The following SIK3 variants were observed in gnomAD, a reference collection of about 807,000 sequenced individuals.
SIK3 encodes the protein serine/threonine-protein kinase SIK3.
SIK3 carries 28 observed loss-of-function variants against 144.2 expected under a neutral mutation model. That is an observed-to-expected ratio of 0.19 (90% CI 0.14 to 0.27). SIK3 has a LOEUF of 0.27. Among genes scored for constraint, SIK3 ranks in the 10% least tolerant of loss-of-function variants. The pLI is 1.00. For missense variants in SIK3, 1,319 were observed against 1,776.0 expected, an observed-to-expected ratio of 0.74 and a Z score of 4.62; for synonymous variants, 686 against 676.3, an observed-to-expected ratio of 1.01 and a Z score of -0.22.
At chr11:117,057,337 C>CAAGGCA (rs1364513419) in intron 1 of SIK3, among the ~76,000 whole-genome samples, 2 of 152,180 alleles carry the variant, frequency 1.3e-5, no homozygotes, top group Non-Finnish European at 2.9e-5. Context: ...CTAGAATATA[C>CAAGGCA]AAGGCAAACA....
At position 117,013,915 on chromosome 11, in the gene SIK3, G is replaced by GGGGGGGT. The variant is rs1206309055; in HGVS notation, c.274-56852_274-56851insACCCCCC. Reference sequence around the variant, plus strand: ...CAGATTCTGAGGGGGGGGGGGGGAGGGTGTGTGTGTGTGTGTGTGTGTGTG... The same window carrying GGGGGGGT: ...CAGATTCTGAGGGGGGGGGGGGGAGGGGGGGGTGTGTGTGTGTGTGTGTGTGTGTGTG... On this transcript the variant is annotated intron_variant, in intron 1 of 24. Transcript: ENST00000445177. Among the ~76,000 whole-genome samples, 3 of 23,616 alleles carry GGGGGGGT rather than the reference G, an allele frequency of 1.3e-4. 1 individual carries two copies. Among genetic ancestry groups the GGGGGGGT allele is most frequent in the East Asian group, 1.2e-3 (1 of 868 alleles). 15.5% of individuals were successfully genotyped at this position (23,616 alleles called of 152,430 possible). A position where few individuals can be genotyped will look rare whatever the true frequency, so the allele number is the denominator to read the frequency against.
intron 1 of SIK3, among the ~76,000 whole-genome samples, chr11:117,013,915 G>GGTGTGTGTGTGT (rs71037441): frequency 1.9e-3 from 45 of 23,602 alleles, no homozygotes; most frequent in African/African-American, 3.6e-3. Flanking sequence ...GGGGGGGGAG[G>GGTGTGTGTGTGT]GTGTGTGTGT....
intron 4 of SIK3, among the ~76,000 whole-genome samples, chr11:116,924,465 T>C (rs941925602): frequency 6.6e-6 from 1 of 152,232 alleles, no homozygotes; most frequent in Non-Finnish European, 1.5e-5. Flanking sequence ...TTTTGTTTTC[T>C]ACTGAAACTT....
intron 5 of SIK3, among the ~76,000 whole-genome samples, 158 bp downstream of exon 5, chr11:116,897,035 A>C (rs1238862451): frequency 6.6e-6 from 1 of 152,164 alleles, no homozygotes; most frequent in South Asian, 2.1e-4. Context: ...TCAAAAAAAA[A>C]AAAAAAAAAA....
chr11:116,960,285 G>A lies in SIK3; in HGVS notation c.274-3221C>T, dbSNP rs558352242. On this transcript the variant is annotated intron_variant, in intron 1 of 24. Transcript: ENST00000445177. ...TCACGCCTGTAATTCCAGCACTTTG[G>A]GAGTTAAAGGCAGGCGGATGGCTTG... Among the ~76,000 whole-genome samples, 6 of 152,186 alleles carry A rather than the reference G, an allele frequency of 3.9e-5. No homozygotes were observed. In the East Asian group the frequency reaches 9.6e-4, roughly 24 times the overall value.
intron 1 of SIK3, among the ~76,000 whole-genome samples, chr11:117,008,920 A>G (rs77832134): frequency 0.032 from 4,908 of 152,268 alleles, 107 homozygotes; most frequent in Non-Finnish European, 0.036. Flanking sequence ...GAAAACATAG[A>G]TAACAGTTGG....
intron 1 of SIK3, among the ~76,000 whole-genome samples, chr11:117,037,875 G>C (rs1329763955): frequency 6.6e-6 from 1 of 152,218 alleles, no homozygotes; most frequent in Non-Finnish European, 1.5e-5. Context: ...CAAGAAACAA[G>C]TTAATTCCTA....
At chr11:117,037,987 T>C (rs1952585067) in intron 1 of SIK3, among the ~76,000 whole-genome samples, 1 of 152,228 alleles carries the variant, frequency 6.6e-6, no homozygotes, top group South Asian at 2.1e-4. Flanking sequence ...CTGAAAAGTT[T>C]TATAATGCCT....
intron 1 of SIK3, among the ~76,000 whole-genome samples, chr11:117,048,973 C>T (rs988389453): frequency 2.0e-5 from 3 of 151,740 alleles, no homozygotes; most frequent in African/African-American, 4.8e-5. Context: ...TGGTGGCGCA[C>T]GCTTGTAATC....
At chr11:117,088,586 C>T (rs971750695) in intron 1 of SIK3, among the ~76,000 whole-genome samples, 6 of 152,148 alleles carry the variant, frequency 3.9e-5, no homozygotes, top group African/African-American at 1.2e-4. Flanking sequence ...CAGTGAATAA[C>T]AGATTAAAAT....
At chr11:117,076,273 T>C (rs994645986) in intron 1 of SIK3, among the ~76,000 whole-genome samples, 2 of 152,182 alleles carry the variant, frequency 1.3e-5, no homozygotes, top group African/African-American at 4.8e-5. Flanking sequence ...CTAACTTTTC[T>C]GAACCAAGGA....
chr11:116,851,325 G>C (rs10047462), intron 21 of SIK3, among the ~76,000 whole-genome samples: 2 of 152,134 alleles, frequency 1.3e-5, no homozygotes, highest in Non-Finnish European at 2.9e-5. Context: ...TAAAACAAAA[G>C]CTCTTAATAG....
intron 21 of SIK3, among the ~76,000 whole-genome samples, chr11:116,850,652 G>GT (rs1374255544): frequency 6.6e-6 from 1 of 152,180 alleles, no homozygotes; most frequent in African/African-American, 2.4e-5. Flanking sequence ...TATATCTCAT[G>GT]TATGTCTGTG....
rs1257402662 is a variant in SIK3 at position 116,844,755 on chromosome 11, T to G, written c.*888A>C. ...TTTATAGCACAATATAAAATGAGAA[T>G]GAAAGATGCCATAGAAAGCATAGTG... On this transcript the variant is annotated 3_prime_UTR_variant, in exon 25 of 25. Coordinates refer to ENST00000445177, the MANE Select transcript of SIK3 (RefSeq NM_001366686.3). 6.7e-6 allele frequency: 1 copy of G among 148,312 alleles called. No individual in the cohort carries two copies. Among genetic ancestry groups the G allele is most frequent in the Non-Finnish European group, 1.5e-5 (1 of 67,436 alleles). The allele number at this position is 148,312 out of a possible 1,614,324, so 9.2% of individuals were successfully genotyped here. A position where few individuals can be genotyped will look rare whatever the true frequency, so the allele number is the denominator to read the frequency against.
chr11:116,990,177 G>A (rs967665728), intron 1 of SIK3, among the ~76,000 whole-genome samples: 1 of 152,174 alleles, frequency 6.6e-6, no homozygotes, highest in Non-Finnish European at 1.5e-5. Context: ...AGCAATACAT[G>A]TACTTACCAA....
chr11:116,878,905 A>G (rs2134591977), intron 6 of SIK3, among the ~76,000 whole-genome samples: 1 of 152,306 alleles, frequency 6.6e-6, no homozygotes, highest in Non-Finnish European at 1.5e-5. Context: ...CATCTACTCT[A>G]AGATGGGCCT....
intron 1 of SIK3, among the ~76,000 whole-genome samples, chr11:117,000,917 C>G (rs774124513): frequency 1.3e-5 from 2 of 152,206 alleles, no homozygotes; most frequent in Admixed American, 1.3e-4. Flanking sequence ...ATAAAGAGAA[C>G]TGACAGTAAT....
chr11:116,998,092 G>A (rs1950728998), intron 1 of SIK3, among the ~76,000 whole-genome samples: 2 of 150,896 alleles, frequency 1.3e-5, no homozygotes, highest in African/African-American at 4.9e-5. Context: ...GGGCTCAAGT[G>A]ATCCTCCTGC....
In SIK3 at chr11:117,062,824, G is replaced by T. The variant is rs1953854784; in HGVS notation, c.273+35319C>A. Among the ~76,000 whole-genome samples, 3 of 152,092 alleles carry T rather than the reference G, an allele frequency of 2.0e-5. No homozygotes were observed. In the South Asian group the frequency reaches 6.2e-4, roughly 31 times the overall value. On this transcript the variant is annotated intron_variant, in intron 1 of 24. Coordinates refer to ENST00000445177, the MANE Select transcript of SIK3 (RefSeq NM_001366686.3). The stretch of plus-strand genomic sequence containing the variant: ...TAGGAAAATCTTGTATAGGTAACTT[G>T]GCTACCAATTTAATTCCCTCAACCA...
Sources: gnomAD v4.1 joint callset for allele counts (sites outside exome capture counted in the v4.1 genomes callset) on GRCh38, gnomAD v4.1.1 for gene constraint, MANE v1.5 for transcripts, NCBI Gene and HGNC (gene_info 2026-07-23, HGNC 2026-07-21) for gene names.